The following SLC7A1 variants were observed in gnomAD, a reference collection of about 807,000 sequenced individuals.
SLC7A1 encodes the protein high affinity cationic amino acid transporter 1.
A neutral mutation model predicts 53.9 loss-of-function variants in SLC7A1; 10 were observed. That is an observed-to-expected ratio of 0.19 (90% CI 0.11 to 0.31). The LOEUF is 0.31. SLC7A1 is among the 10% of genes least tolerant of loss of function. SLC7A1 has a pLI of 1.00. For missense variants in SLC7A1, 525 were observed against 827.2 expected, an observed-to-expected ratio of 0.63 and a Z score of 4.48; for synonymous variants, 342 against 338.7, an observed-to-expected ratio of 1.01 and a Z score of -0.11.
intron 1 of SLC7A1, among the ~76,000 whole-genome samples, chr13:29,583,546 T>TG (rs1006899346): frequency 3.3e-5 from 5 of 152,188 alleles, no homozygotes; most frequent in African/African-American, 1.2e-4. Context: ...CCCTTGCAGA[T>TG]GCTCCACACA....
intron 2 of SLC7A1, among the ~76,000 whole-genome samples, chr13:29,551,345 G>C (rs766585341): frequency 2.7e-4 from 41 of 152,310 alleles, no homozygotes; most frequent in Non-Finnish European, 8.8e-5. Flanking sequence ...AACAACAAGC[G>C]TGGCCAAGAC....
intron 1 of SLC7A1, among the ~76,000 whole-genome samples, chr13:29,560,101 C>T (rs1264941072): frequency 6.6e-6 from 1 of 151,942 alleles, no homozygotes; most frequent in African/African-American, 2.4e-5. Flanking sequence ...TTTTTATGTC[C>T]TTATTCTATA....
At chr13:29,575,951 T>G (rs546510706) in intron 1 of SLC7A1, among the ~76,000 whole-genome samples, 2 of 152,182 alleles carry the variant, frequency 1.3e-5, no homozygotes, top group South Asian at 2.1e-4. Context: ...AGTGCTCACA[T>G]GAACAACAAC....
intron 7 of SLC7A1, among the ~76,000 whole-genome samples, chr13:29,522,958 T>C (rs887719207): frequency 2.6e-5 from 4 of 152,164 alleles, no homozygotes; most frequent in African/African-American, 4.8e-5. Flanking sequence ...GGCCAAAATA[T>C]GGTGTTCAAA....
intron 12 of SLC7A1, among the ~76,000 whole-genome samples, chr13:29,515,282 C>G (rs577027187): frequency 2.4e-4 from 37 of 152,370 alleles, no homozygotes; most frequent in Non-Finnish European, 4.6e-4. Flanking sequence ...CGCCCCTCTG[C>G]CTTCACCAGG....
chr13:29,589,917 A>G (rs1355529972), intron 1 of SLC7A1, among the ~76,000 whole-genome samples: 1 of 152,216 alleles, frequency 6.6e-6, no homozygotes, highest in Non-Finnish European at 1.5e-5. Context: ...GGTTAGGAAG[A>G]TTCAAATGAA....
rs548522476 is a variant in SLC7A1 at position 29,559,777 on chromosome 13, G to A, written c.-114-5917C>T. ...GTCGCTCAGGCTGGAGTGCAGTGGC[G>A]CGATCTCGGCTCACTGCAAGCTCCG... is the stretch of plus-strand genomic sequence containing the variant. On this transcript the variant is annotated intron_variant, in intron 1 of 12. Coordinates refer to ENST00000380752, the MANE Select transcript of SLC7A1 (RefSeq NM_003045.5). Among the ~76,000 whole-genome samples, 289 of 151,064 alleles carry A rather than the reference G, an allele frequency of 1.9e-3. 2 individuals carry two copies. The highest frequency in any genetic ancestry group is 3.4e-3 in the Non-Finnish European group (233 of 67,828).
intron 2 of SLC7A1, among the ~76,000 whole-genome samples, chr13:29,552,093 G>C (rs1256790962): frequency 6.6e-6 from 1 of 152,130 alleles, no homozygotes; most frequent in African/African-American, 2.4e-5. Flanking sequence ...TAAGAACTCT[G>C]TGTGGGCTGC....
intron 1 of SLC7A1, among the ~76,000 whole-genome samples, chr13:29,592,831 G>A (rs1156667073): frequency 6.6e-6 from 1 of 152,178 alleles, no homozygotes; most frequent in Non-Finnish European, 1.5e-5. Context: ...CCTGAGGGTA[G>A]GCAGATGTCC....
intron 1 of SLC7A1, among the ~76,000 whole-genome samples, chr13:29,572,522 G>A (rs1485252603): frequency 2.0e-5 from 3 of 152,164 alleles, no homozygotes; most frequent in Admixed American, 1.3e-4. Flanking sequence ...ACCATGTGAG[G>A]GGCAGGGGAG....
intron 5 of SLC7A1, among the ~76,000 whole-genome samples, chr13:29,525,254 C>T (rs1217747955): frequency 6.6e-6 from 1 of 152,252 alleles, no homozygotes; most frequent in Non-Finnish European, 1.5e-5. Context: ...AGGGCAGTCC[C>T]TACTCCCACA....
intron 1 of SLC7A1, among the ~76,000 whole-genome samples, chr13:29,569,287 G>C (rs180843482): frequency 2.6e-5 from 4 of 152,330 alleles, no homozygotes; most frequent in African/African-American, 9.6e-5. Context: ...GCCAGGTGCA[G>C]CCTCAAAACC....
chr13:29,543,987 G>A (rs572874032), intron 2 of SLC7A1, among the ~76,000 whole-genome samples: 87 of 152,148 alleles, frequency 5.7e-4, no homozygotes, highest in Admixed American at 1.3e-3. Flanking sequence ...TGCCAACAGA[G>A]GCCCCAGTGC....
intron 1 of SLC7A1, among the ~76,000 whole-genome samples, chr13:29,567,094 C>T (rs1870998957): frequency 1.3e-5 from 2 of 152,204 alleles, no homozygotes; most frequent in South Asian, 4.1e-4. Context: ...TTGATAAACT[C>T]TCCCTACAAC....
At chr13:29,570,441 G>A (rs1427702913) in intron 1 of SLC7A1, among the ~76,000 whole-genome samples, 1 of 152,156 alleles carries the variant, frequency 6.6e-6, no homozygotes, top group Non-Finnish European at 1.5e-5. Context: ...TCTGAAGCGG[G>A]GATAATGACA....
chr13:29,561,745 C>T (rs1325874096), intron 1 of SLC7A1, among the ~76,000 whole-genome samples: 4 of 152,202 alleles, frequency 2.6e-5, no homozygotes, highest in African/African-American at 7.2e-5. Flanking sequence ...CCGAAGAATC[C>T]AGAACTGCCC....
At chr13:29,526,913 A>G (rs1252341667) in intron 5 of SLC7A1, among the ~76,000 whole-genome samples, 1 of 152,236 alleles carries the variant, frequency 6.6e-6, no homozygotes, top group South Asian at 2.1e-4. Context: ...GCTGTGTGCA[A>G]CCGTGAGCAT....
intron 1 of SLC7A1, among the ~76,000 whole-genome samples, chr13:29,569,521 G>A (rs539362126): frequency 6.6e-6 from 1 of 152,294 alleles, no homozygotes; most frequent in Non-Finnish European, 1.5e-5. Flanking sequence ...CTGCAAGTGT[G>A]AGGGCTTGAC....
chr13:29,553,559 T>C (rs1348715514), intron 2 of SLC7A1, among the ~76,000 whole-genome samples: 1 of 152,174 alleles, frequency 6.6e-6, no homozygotes, highest in Non-Finnish European at 1.5e-5. Context: ...TGTTTTCTGC[T>C]GGGTCAATGG....
Sources: allele counts gnomAD v4.1 joint callset (sites outside exome capture counted in the v4.1 genomes callset), GRCh38; gene constraint gnomAD v4.1.1; transcripts MANE v1.5; gene names NCBI Gene and HGNC (gene_info 2026-07-23, HGNC 2026-07-21).